The following PCCA variants were observed in gnomAD, a reference collection of about 807,000 sequenced individuals.
PCCA encodes propionyl-CoA carboxylase alpha chain, mitochondrial.
Under a neutral mutation model 101.3 loss-of-function variants are expected in PCCA, and 74 were observed. The ratio of observed to expected loss-of-function variants is 0.73; its 90% confidence interval spans 0.61 to 0.89. PCCA has a LOEUF of 0.89. Ranked by LOEUF, PCCA falls within the 40% of genes least tolerant of loss-of-function variation. The pLI is 0.00. For missense variants in PCCA, 891 were observed against 907.0 expected, an observed-to-expected ratio of 0.98 and a Z score of 0.23; for synonymous variants, 294 against 313.6, an observed-to-expected ratio of 0.94 and a Z score of 0.66.
intron 12 of PCCA, among the ~76,000 whole-genome samples, chr13:100,276,642 TTTC>T (rs2063692404): frequency 6.6e-6 from 1 of 152,180 alleles, no homozygotes; most frequent in Non-Finnish European, 1.5e-5. Flanking sequence ...TTCTTCTGTC[TTTC>T]TTACCTTCCC....
intron 12 of PCCA, 69 bp downstream of exon 12, chr13:100,273,415 GT>G: frequency 7.7e-7 from 1 of 1,301,864 alleles, no homozygotes; most frequent in South Asian, 1.2e-5. Context: ...ACCCTTTTTT[GT>G]TTTATAAATG....
chr13:100,209,066 A>G (rs1050104889), intron 6 of PCCA, among the ~76,000 whole-genome samples: 8 of 152,138 alleles, frequency 5.3e-5, no homozygotes, highest in African/African-American at 1.9e-4. Flanking sequence ...ATACAGTGTC[A>G]TAGAGTGACT....
At chr13:100,196,769 A>G (rs1433760581) in intron 6 of PCCA, among the ~76,000 whole-genome samples, 1 of 152,152 alleles carries the variant, frequency 6.6e-6, no homozygotes, top group Non-Finnish European at 1.5e-5. Context: ...ATAAGTTTTT[A>G]CTTTTGAATT....
intron 21 of PCCA, among the ~76,000 whole-genome samples, chr13:100,462,986 T>C (rs1461688680): frequency 6.6e-6 from 1 of 152,162 alleles, no homozygotes; most frequent in Non-Finnish European, 1.5e-5. Context: ...TAAGGATGAA[T>C]TGAGTTTGCA....
intron 7 of PCCA, among the ~76,000 whole-genome samples, chr13:100,234,304 CA>C (rs1375617994): frequency 2.0e-5 from 3 of 152,150 alleles, no homozygotes; most frequent in Non-Finnish European, 4.4e-5. Context: ...CATGGATTTT[CA>C]TCCCTTTAAG....
intron 21 of PCCA, among the ~76,000 whole-genome samples, chr13:100,478,456 C>A (rs1242968148): frequency 1.3e-5 from 2 of 152,140 alleles, no homozygotes; most frequent in Non-Finnish European, 2.9e-5. Context: ...CCTGGGAGGC[C>A]CCACCCCTTC....
At chr13:100,096,020 A>C (rs1430086678) in intron 1 of PCCA, among the ~76,000 whole-genome samples, 1 of 152,156 alleles carries the variant, frequency 6.6e-6, no homozygotes, top group African/African-American at 2.4e-5. Flanking sequence ...AGGGCACTGG[A>C]GTTGCTGAGA....
In PCCA at chr13:100,457,161, C is replaced by A. The variant is rs183676674; in HGVS notation, c.1899+7856C>A. 3.2e-3 allele frequency among the ~76,000 whole-genome samples: 484 copies of A among 152,228 alleles called. 11 individuals carry two copies. The highest frequency in any genetic ancestry group is 3.5e-3 in the East Asian group (18 of 5,178). ...AGAGTAATATTAAAAGCTAATGATT[C>A]ATAATGTTTATAATGATTGATAATG... On this transcript the variant is annotated intron_variant, in intron 21 of 23. Coordinates refer to ENST00000376285, the MANE Select transcript of PCCA (RefSeq NM_000282.4).
intron 21 of PCCA, among the ~76,000 whole-genome samples, chr13:100,456,326 A>G (rs1000457791): frequency 2.0e-5 from 3 of 152,204 alleles, no homozygotes; most frequent in South Asian, 2.1e-4. Context: ...TGGCTTTTCA[A>G]TAAGGCAAGA....
chr13:100,320,156 T>C (rs982417819), intron 16 of PCCA, among the ~76,000 whole-genome samples: 1 of 152,214 alleles, frequency 6.6e-6, no homozygotes, highest in African/African-American at 2.4e-5. Flanking sequence ...AGAATGCTTG[T>C]GATTTTTGCA....
chr13:100,279,110 C>T (rs924546615), intron 12 of PCCA, among the ~76,000 whole-genome samples: 2 of 152,134 alleles, frequency 1.3e-5, no homozygotes, highest in African/African-American at 4.8e-5. Flanking sequence ...GCTTAGCAAA[C>T]GTCCCAAGGT....
At chr13:100,243,016 C>G (rs571064034) in intron 8 of PCCA, among the ~76,000 whole-genome samples, 2 of 152,280 alleles carry the variant, frequency 1.3e-5, no homozygotes, top group East Asian at 1.9e-4. Context: ...TCTGCCTTAG[C>G]CCCCACTTAG....
chr13:100,351,939 T>C (rs995661505), intron 18 of PCCA, among the ~76,000 whole-genome samples: 2 of 152,276 alleles, frequency 1.3e-5, no homozygotes, highest in Admixed American at 1.3e-4. Context: ...GAGCAGAGAC[T>C]AGCAAACCAT....
At chr13:100,374,732 T>G (rs939122032) in intron 19 of PCCA, among the ~76,000 whole-genome samples, 1 of 152,106 alleles carries the variant, frequency 6.6e-6, no homozygotes, top group Non-Finnish European at 1.5e-5. Flanking sequence ...TTTGAAAAAT[T>G]TTGCCTGATG....
chr13:100,244,825 A>G (rs183586871), intron 8 of PCCA, among the ~76,000 whole-genome samples: 5 of 152,110 alleles, frequency 3.3e-5, no homozygotes, highest in Non-Finnish European at 7.4e-5. Flanking sequence ...TGTTTAGTGT[A>G]TAATACATCT....
At chr13:100,309,535 C>A (rs755301139) in intron 15 of PCCA, among the ~76,000 whole-genome samples, 1 of 152,132 alleles carries the variant, frequency 6.6e-6, no homozygotes, top group African/African-American at 2.4e-5. Flanking sequence ...CATATATTCA[C>A]GTTTAGCTGT....
chr13:100,143,854 A>G (rs2052211458), intron 4 of PCCA, among the ~76,000 whole-genome samples: 1 of 152,104 alleles, frequency 6.6e-6, no homozygotes, highest in African/African-American at 2.4e-5. Flanking sequence ...TCATGGGCTC[A>G]TGCAATCATT....
intron 6 of PCCA, among the ~76,000 whole-genome samples, chr13:100,185,189 G>A (rs2057146258): frequency 6.6e-6 from 1 of 151,982 alleles, no homozygotes. Flanking sequence ...TCATTTTCTT[G>A]CTTCTCTTTA....
chr13:100,334,915 G>A (rs2070201297), intron 17 of PCCA, among the ~76,000 whole-genome samples: 1 of 152,132 alleles, frequency 6.6e-6, no homozygotes, highest in South Asian at 2.1e-4. Flanking sequence ...GGTATTCTTG[G>A]AAAGACTCAC....
Sources: allele counts gnomAD v4.1 joint callset (sites outside exome capture counted in the v4.1 genomes callset), GRCh38; gene constraint gnomAD v4.1.1; transcripts MANE v1.5; gene names NCBI Gene and HGNC (gene_info 2026-07-23, HGNC 2026-07-21).